The following FTO variants were observed in gnomAD, a reference collection of about 807,000 sequenced individuals.
The protein encoded by FTO is alpha-ketoglutarate-dependent dioxygenase FTO.
A neutral mutation model predicts 63.9 loss-of-function variants in FTO; 47 were observed. The ratio of observed to expected loss-of-function variants is 0.74; its 90% CI spans 0.58 to 0.94. FTO has a LOEUF of 0.94. FTO is among the 40% of genes least tolerant of loss of function. The probability of loss-of-function intolerance (pLI) is 0.00; values close to 1 mark genes in which losing one functional copy is unlikely to be tolerated. For synonymous variants in FTO, 207 were observed against 224.4 expected (o/e 0.92, Z 0.69); for missense variants, 562 against 618.1 (o/e 0.91, Z 0.96).
intron 8 of FTO, among the ~76,000 whole-genome samples, chr16:54,039,191 C>G (rs117309839): frequency 4.6e-5 from 7 of 152,178 alleles, no homozygotes; most frequent in Non-Finnish European, 7.3e-5. Context: ...AACTCCCAGA[C>G]CCCAGGAAGC....
intron 4 of FTO, among the ~76,000 whole-genome samples, chr16:53,857,703 G>A (rs1013495097): frequency 2.0e-5 from 3 of 152,128 alleles, no homozygotes; most frequent in Non-Finnish European, 2.9e-5. Flanking sequence ...TGCTGCTCAG[G>A]CTTCAGGGAG....
At chr16:53,931,039 C>G (rs2082268537) in intron 7 of FTO, among the ~76,000 whole-genome samples, 1 of 152,096 alleles carries the variant, frequency 6.6e-6, no homozygotes, top group Admixed American at 6.5e-5. Flanking sequence ...GTGAAACTTT[C>G]TTTCTTACAT....
chr16:54,037,971 C>T (rs1000833737), intron 8 of FTO, among the ~76,000 whole-genome samples: 27 of 152,332 alleles, frequency 1.8e-4, no homozygotes, highest in African/African-American at 6.5e-4. Flanking sequence ...ACACCCTACA[C>T]TACTTCTCAT....
intron 1 of FTO, among the ~76,000 whole-genome samples, chr16:53,744,454 T>C (rs1242401951): frequency 6.6e-6 from 1 of 152,180 alleles, no homozygotes; most frequent in African/African-American, 2.4e-5. Flanking sequence ...GACTCCCCAG[T>C]TGTGGTGGTG....
At chr16:53,948,192 A>T (rs1344822399) in intron 8 of FTO, among the ~76,000 whole-genome samples, 1 of 152,198 alleles carries the variant, frequency 6.6e-6, no homozygotes, top group African/African-American at 2.4e-5. Context: ...CTGCGGCTGT[A>T]TAAGAGACCT....
chr16:53,710,820 G>T (rs1006024182), intron 1 of FTO, among the ~76,000 whole-genome samples: 2 of 152,142 alleles, frequency 1.3e-5, no homozygotes, highest in Admixed American at 1.3e-4. Flanking sequence ...TTGAATAGTG[G>T]CTTCCCTTTT....
chr16:53,847,863 T>C (rs965598174), intron 4 of FTO, among the ~76,000 whole-genome samples: 18 of 152,098 alleles, frequency 1.2e-4, no homozygotes, highest in African/African-American at 4.3e-4. Flanking sequence ...CTGTAAAATA[T>C]ACATTGGGTC....
intron 1 of FTO, among the ~76,000 whole-genome samples, chr16:53,706,762 C>T (rs1389607084): frequency 2.0e-5 from 3 of 152,092 alleles, no homozygotes; most frequent in South Asian, 2.1e-4. Context: ...TCCTTTTTAT[C>T]GCAAATTAGT....
intron 4 of FTO, among the ~76,000 whole-genome samples, chr16:53,851,511 T>C (rs1463665919): frequency 6.6e-6 from 1 of 151,574 alleles, no homozygotes; most frequent in African/African-American, 2.4e-5. Context: ...TGAACACACA[T>C]GTATTCTCAT....
At chr16:53,914,450 A>C (rs1029679786) in intron 7 of FTO, among the ~76,000 whole-genome samples, 9 of 152,082 alleles carry the variant, frequency 5.9e-5, no homozygotes, top group African/African-American at 2.2e-4. Context: ...ATTTTGCTTT[A>C]AAAATACAAA....
At chr16:53,859,538 A>G (rs935304406) in intron 4 of FTO, among the ~76,000 whole-genome samples, 1 of 148,908 alleles carries the variant, frequency 6.7e-6, no homozygotes, top group South Asian at 2.1e-4. Context: ...TATATTAAAT[A>G]TATTTTAATG....
At chr16:53,704,134 G>C (rs1971794226), upstream of FTO, 4 of 1,540,106 alleles carry the variant, frequency 2.6e-6, no homozygotes, top group Non-Finnish European at 3.5e-6. Context: ...GCGGGGTCCA[G>C]GGCGAGGGAT....
chr16:53,782,245 T>C (rs1344793859), intron 1 of FTO, among the ~76,000 whole-genome samples: 1 of 152,226 alleles, frequency 6.6e-6, no homozygotes. Context: ...AGAATTTAAC[T>C]AATTTCCGGT....
chr16:54,060,538 A>C (rs1239171107), intron 8 of FTO, among the ~76,000 whole-genome samples: 1 of 152,238 alleles, frequency 6.6e-6, no homozygotes, highest in African/African-American at 2.4e-5. Context: ...ACTAGGAAGT[A>C]GTGCTGGGAT....
At chr16:53,861,306 C>T (rs1887334206) in intron 4 of FTO, among the ~76,000 whole-genome samples, 1 of 152,180 alleles carries the variant, frequency 6.6e-6, no homozygotes, top group Non-Finnish European at 1.5e-5. Flanking sequence ...TCATCAGTTA[C>T]TTCCACCAAC....
chr16:53,938,014 G>A (rs2082431272), intron 8 of FTO: 1 of 152,172 alleles, frequency 6.6e-6, no homozygotes, highest in Non-Finnish European at 1.5e-5. Context: ...GGCTTCCTTT[G>A]CCTTGAAGAA....
chr16:53,839,402 G>T (rs2079397917), intron 3 of FTO, among the ~76,000 whole-genome samples: 1 of 152,266 alleles, frequency 6.6e-6, no homozygotes, highest in South Asian at 2.1e-4. Context: ...ATTTCACTGA[G>T]AAGTAAGAAC....
chr16:53,995,273 A>G (rs181829650), intron 8 of FTO, among the ~76,000 whole-genome samples: 1 of 152,244 alleles, frequency 6.6e-6, no homozygotes, highest in African/African-American at 2.4e-5. Flanking sequence ...AACTGCCACC[A>G]GGGAGATGCA....
intron 7 of FTO, chr16:53,911,109 T>C (rs1225816160): frequency 2.4e-6 from 1 of 414,372 alleles, no homozygotes; most frequent in African/African-American, 2.0e-5. Context: ...GTTTGATTTA[T>C]GTCTGCAGTA....
Sources: allele counts gnomAD v4.1 joint callset (sites outside exome capture counted in the v4.1 genomes callset), GRCh38; gene constraint gnomAD v4.1.1; transcripts MANE v1.5; gene names NCBI Gene and HGNC (gene_info 2026-07-23, HGNC 2026-07-21).